THAP6: variants seen among roughly 807,000 people sequenced by gnomAD.
THAP6 encodes THAP domain containing 6.
A neutral mutation model predicts 20.0 loss-of-function variants in THAP6; 13 were observed. The ratio of observed to expected loss-of-function variants is 0.65; its 90% CI spans 0.42 to 1.03. The LOEUF (loss-of-function observed/expected upper bound fraction) is 1.03, where lower values mean the gene tolerates loss of function less well. THAP6 is among the 50% of genes least tolerant of loss of function. THAP6 has a pLI of 0.00. For missense variants in THAP6, 262 were observed against 261.6 expected, an observed-to-expected ratio of 1.00 and a Z score of -0.01; for synonymous variants, 93 against 92.2, an observed-to-expected ratio of 1.01 and a Z score of -0.05.
rs1485446441 is a variant in THAP6, at chr4:75,516,914, G to T, written c.223G>T (p.Ala75Ser). 13 of 1,613,336 alleles carry T rather than the reference G, an allele frequency of 8.1e-6. No individual in the cohort carries two copies. Among genetic ancestry groups the T allele is most frequent in the Non-Finnish European group, 1.0e-5 (12 of 1,179,944 alleles). Reference sequence around the variant, plus strand: ...TAAGAAGACAGATTTTGACAGAAGTGCTCCAAATATTAAACTGAAACCTGG... The same window carrying T: ...TAAGAAGACAGATTTTGACAGAAGTTCTCCAAATATTAAACTGAAACCTGG... ...HFKKTDFDRS[A>S]PNIKLKPGVI... The change falls in exon 3 of 5, where the codon GCT becomes TCT. Residue 75 changes from alanine to serine, a missense_variant. By Grantham distance (99) the Ala-to-Ser change is moderately conservative. Transcript: ENST00000311638.
chr4:75,528,690 T>A lies in THAP6; in HGVS notation c.*1476T>A, dbSNP rs775594130. ...ACCCACATCTGCGAGATCAGCGTTA[T>A]GCTAAGAGGAAATCACTGAGGCCAT... On this transcript the variant is annotated 3_prime_UTR_variant, in exon 5 of 5. Coordinates refer to ENST00000311638, the MANE Select transcript of THAP6 (RefSeq NM_144721.6). The A allele has an allele frequency of 1.0e-6, 1 of 984,570 alleles. No homozygotes were observed. Among genetic ancestry groups the A allele is most frequent in the African/African-American group, 1.8e-5 (1 of 56,896 alleles). The allele number at this position is 984,570 out of a possible 1,614,324, so 61.0% of individuals were successfully genotyped here. A position where few individuals can be genotyped will look rare whatever the true frequency, so the allele number is the denominator to read the frequency against.
chr4:75,528,494 A>G lies in THAP6; in HGVS notation c.*1280A>G, dbSNP rs1442729208. 1 of 985,242 alleles carries G rather than the reference A, an allele frequency of 1.0e-6. No individual in the cohort carries two copies. The highest frequency in any genetic ancestry group is 1.2e-6 in the Non-Finnish European group (1 of 829,858). 61.0% of individuals were successfully genotyped at this position (985,242 alleles called of 1,614,324 possible). A position where few individuals can be genotyped will look rare whatever the true frequency, so the allele number is the denominator to read the frequency against. On this transcript the variant is annotated 3_prime_UTR_variant, in exon 5 of 5. Transcript: ENST00000311638. The stretch of plus-strand genomic sequence containing the variant: ...GAGTATCAGCCATTTCATTGTAGTA[A>G]CAAAAATTGAATTGCATTTTGTGCT...
chr4:75,516,723 T>C lies in THAP6; in HGVS notation c.81-49T>C, dbSNP rs199795746. 4.5e-3 allele frequency: 6,852 copies of C among 1,516,158 alleles called. 42 individuals carry two copies. The highest frequency in any genetic ancestry group is 0.011 in the South Asian group (939 of 84,996). 93.9% of individuals were successfully genotyped at this position (1,516,158 alleles called of 1,614,324 possible). A position where few individuals can be genotyped will look rare whatever the true frequency, so the allele number is the denominator to read the frequency against. ...GTATAAGGCAGCTTTAATTCAATTA[T>C]ATAGCAATAGTATTTGATTTTAAAA... On this transcript the variant is annotated intron_variant, in intron 2 of 4. Coordinates refer to ENST00000311638, the MANE Select transcript of THAP6 (RefSeq NM_144721.6).
chr4:75,544,968 GC>G (rs1727092545), intron 3 of THAP6, among the ~76,000 whole-genome samples: 1 of 152,150 alleles, frequency 6.6e-6, no homozygotes, highest in African/African-American at 2.4e-5. Context: ...GAGCCAAATT[GC>G]CTGGGTTCAT....
chr4:75,518,910 T>TA (rs1351978792), intron 3 of THAP6, among the ~76,000 whole-genome samples: 2 of 151,840 alleles, frequency 1.3e-5, no homozygotes, highest in African/African-American at 2.4e-5. Flanking sequence ...CACTTTTTTT[T>TA]AACTAAACTT....
At chr4:75,522,640 G>T (rs1726105454) in intron 4 of THAP6, 1 of 151,828 alleles carries the variant, frequency 6.6e-6, no homozygotes, top group South Asian at 2.1e-4. Flanking sequence ...CTGTCCCTGT[G>T]GGTTCAGTTG....
intron 4 of THAP6, among the ~76,000 whole-genome samples, chr4:75,526,017 TC>T (rs1726343675): frequency 1.3e-5 from 2 of 152,190 alleles, no homozygotes; most frequent in Admixed American, 1.3e-4. Context: ...TAGTACTTTG[TC>T]CTGTGAACTG....
At chr4:75,521,946 A>C in intron 4 of THAP6, 85 bp downstream of exon 4, 2 of 1,517,518 alleles carry the variant, frequency 1.3e-6, no homozygotes, top group Non-Finnish European at 1.8e-6. Flanking sequence ...TCAGAATCCT[A>C]GCAAAATCTA....
intron 3 of THAP6, chr4:75,544,660 G>A (rs1200787963): frequency 1.3e-5 from 2 of 151,894 alleles, no homozygotes; most frequent in East Asian, 1.9e-4. Flanking sequence ...CACCACATCT[G>A]GCCTAGGACT....
At chr4:75,543,791 A>G (rs1727065475) in intron 3 of THAP6, among the ~76,000 whole-genome samples, 1 of 152,242 alleles carries the variant, frequency 6.6e-6, no homozygotes, top group Non-Finnish European at 1.5e-5. Flanking sequence ...CTGTAGTGGT[A>G]GAGCATAGCT....
Position 75,529,404 on chromosome 4 carries a change from C to T in THAP6, c.*2190C>T. The T allele has an allele frequency of 1.0e-6, 1 of 985,418 alleles. No individual in the cohort carries two copies. The highest frequency in any genetic ancestry group is 1.2e-6 in the Non-Finnish European group (1 of 829,932). The allele number at this position is 985,418 out of a possible 1,614,324, so 61.0% of individuals were successfully genotyped here. On this transcript the variant is annotated 3_prime_UTR_variant, in exon 5 of 5. Transcript: ENST00000311638. ...ACTTGTGTTCATAGTAGACTCAGCACTTCTTTTTCACTGGACCTAGTATAA... is the reference window on the plus strand; with the variant it reads ...ACTTGTGTTCATAGTAGACTCAGCATTTCTTTTTCACTGGACCTAGTATAA...
At chr4:75,533,024 C>T (rs1372635883), downstream of THAP6, among the ~76,000 whole-genome samples, 1 of 152,202 alleles carries the variant, frequency 6.6e-6, no homozygotes, top group Non-Finnish European at 1.5e-5. Flanking sequence ...CAAGTTTCTG[C>T]AGCCGGCTTG....
downstream of THAP6, among the ~76,000 whole-genome samples, chr4:75,534,360 T>A (rs1350692144): frequency 6.6e-6 from 1 of 152,230 alleles, no homozygotes; most frequent in African/African-American, 2.4e-5. Flanking sequence ...GCTAGTCATA[T>A]GTAGAAAGCT....
chr4:75,535,579 T>C lies in THAP6; in HGVS notation c.166-6830T>C, dbSNP rs151272773. ...TCAGTAATGAAGAATTAGTGATATG[T>C]CAACCAACTTCAGAGTAAAACTGCT... is the stretch of plus-strand genomic sequence containing the variant. On this transcript the variant is annotated intron_variant, in intron 2 of 4. Coordinates refer to the THAP6 transcript ENST00000502620. Among the ~76,000 whole-genome samples, 298 of 152,350 alleles carry C rather than the reference T, an allele frequency of 2.0e-3. 1 individual carries two copies. Among genetic ancestry groups the C allele is most frequent in the African/African-American group, 6.9e-3 (285 of 41,582 alleles).
chr4:75,541,456 G>A (rs1388827070), intron 2 of THAP6, among the ~76,000 whole-genome samples: 1 of 151,994 alleles, frequency 6.6e-6, no homozygotes, highest in Non-Finnish European at 1.5e-5. Context: ...ACGTGTGTGT[G>A]TGTGTGTGTA....
chr4:75,521,326 A>G (rs529863773), intron 3 of THAP6, among the ~76,000 whole-genome samples: 1 of 152,196 alleles, frequency 6.6e-6, no homozygotes, highest in South Asian at 2.1e-4. Flanking sequence ...AAAGGATACA[A>G]CTGCTTCTCT....
chr4:75,537,657 C>T (rs904223102), intron 2 of THAP6, among the ~76,000 whole-genome samples: 3 of 152,110 alleles, frequency 2.0e-5, no homozygotes, highest in South Asian at 4.1e-4. Flanking sequence ...AATAGGATCA[C>T]GTTTCTTACA....
downstream of THAP6, among the ~76,000 whole-genome samples, chr4:75,530,436 A>G (rs1726645736): frequency 6.6e-6 from 1 of 152,182 alleles, no homozygotes; most frequent in South Asian, 2.1e-4. Flanking sequence ...TTCTCCCCCA[A>G]AATTTTACTG....
At chr4:75,521,309 T>A (rs987805222) in intron 3 of THAP6, among the ~76,000 whole-genome samples, 1 of 152,058 alleles carries the variant, frequency 6.6e-6, no homozygotes, top group African/African-American at 2.4e-5. Flanking sequence ...TGTGGTTTAT[T>A]ATGTATAAAG....
Sources: gnomAD v4.1 joint callset for allele counts (sites outside exome capture counted in the v4.1 genomes callset) on GRCh38, gnomAD v4.1.1 for gene constraint, MANE v1.5 for transcripts, NCBI Gene and HGNC (gene_info 2026-07-23, HGNC 2026-07-21) for gene names.